Variants in HOOK1 observed in about 807,000 individuals in gnomAD.
The protein encoded by HOOK1 is hook microtubule tethering protein 1, also known as protein Hook homolog 1.
Under a neutral mutation model 112.8 loss-of-function variants are expected in HOOK1, and 60 were observed. The observed-to-expected ratio is 0.53, with a 90% confidence interval of 0.43 to 0.66. The LOEUF is 0.66. HOOK1 is among the 30% of genes least tolerant of loss of function. The probability of loss-of-function intolerance (pLI) is 0.00; values close to 1 mark genes in which losing one functional copy is unlikely to be tolerated. For synonymous variants in HOOK1, 294 were observed against 283.8 expected (o/e 1.04, Z -0.36); for missense variants, 770 against 856.0 (o/e 0.90, Z 1.25).
rs773285280 is a variant in HOOK1 at position 59,860,212 on chromosome 1, T to A, written c.1416T>A (p.His472Gln). The A allele has an allele frequency of 6.2e-6, 10 of 1,603,270 alleles. No homozygotes were observed. The highest frequency in any genetic ancestry group is 8.5e-6 in the Non-Finnish European group (10 of 1,175,598). Residue 472 changes from histidine (H) to glutamine (Q), a missense_variant, in exon 15 of 22, where the codon CAT (histidine) becomes CAA (glutamine). This residue lies in a region of HOOK1 where 655 missense variants were observed against 725.9 expected (regional missense o/e 0.90). Coordinates refer to ENST00000371208, the MANE Select transcript of HOOK1 (RefSeq NM_015888.6). ...GGGAGGTGTTTATTCGACTGCAACA[T>A]GAAAATAAGATGCTTCGCTTACAGC... ...EYREVFIRLQ[H>Q]ENKMLRLQQE...
At chr1:59,850,366 A>G (rs1459853216) in intron 12 of HOOK1, among the ~76,000 whole-genome samples, 1 of 151,110 alleles carries the variant, frequency 6.6e-6, no homozygotes. Context: ...CAAGTATTAC[A>G]TTTTGATGAG....
rs2098408720 is a variant in HOOK1 at position 59,854,013 on chromosome 1, TA to T, written c.1243-4414del. Reference sequence around the variant, plus strand: ...TACATTAATCTTAAATATATATATATATATATATATATATATATATATATAT... The same window carrying T: ...TACATTAATCTTAAATATATATATATTATATATATATATATATATATATAT... On this transcript the variant is annotated intron_variant, in intron 12 of 21. Transcript: ENST00000371208. 1.5e-4 allele frequency among the ~76,000 whole-genome samples: 3 copies of T among 19,708 alleles called. 1 individual carries two copies. Among genetic ancestry groups the T allele is most frequent in the Admixed American group, 1.2e-3 (3 of 2,582 alleles). The allele number at this position is 19,708 out of a possible 152,430, so 12.9% of individuals were successfully genotyped here.
At chr1:59,843,357 T>G (rs1309154253) in intron 8 of HOOK1, 75 bp from the exon 9 acceptor site, 2 of 1,054,164 alleles carry the variant, frequency 1.9e-6, no homozygotes, top group Non-Finnish European at 2.7e-6. Context: ...AATCCAGAAC[T>G]CTAGACTCTA....
intron 12 of HOOK1, among the ~76,000 whole-genome samples, chr1:59,855,399 C>G (rs1364418200): frequency 3.3e-5 from 5 of 152,136 alleles, no homozygotes; most frequent in Non-Finnish European, 7.4e-5. Context: ...GTTTTCTGTT[C>G]CTGTGTTAGT....
Position 59,860,273 on chromosome 1 carries a change from C to G in HOOK1, c.1477C>G (p.Gln493Glu). ...TGAGAATGAACGTATTGAGGAACTT[C>G]AGGAGCAGCTAGAACAGAAACACCG... ...GSENERIEEL[Q>E]EQLEQKHRKM... The change falls in exon 15 of 22, where the codon CAG becomes GAG. Residue 493 changes from glutamine to glutamate, a missense_variant. Gln to Glu is a conservative substitution (Grantham distance 29). This residue lies in a region of HOOK1 where 655 missense variants were observed against 725.9 expected (regional missense o/e 0.90). Transcript: ENST00000371208. 6.2e-7 allele frequency: 1 copy of G among 1,610,690 alleles called. No individual in the cohort carries two copies. Among genetic ancestry groups the G allele is most frequent in the South Asian group, 1.1e-5 (1 of 90,540 alleles).
chr1:59,863,793 C>CT, intron 16 of HOOK1: 4 of 798,646 alleles, frequency 5.0e-6, no homozygotes, highest in Non-Finnish European at 6.1e-6. Context: ...ATATTATTTT[C>CT]TTTTTTTTTT....
intron 8 of HOOK1, among the ~76,000 whole-genome samples, chr1:59,842,071 C>T (rs1477790232): frequency 6.6e-6 from 1 of 152,084 alleles, no homozygotes; most frequent in Non-Finnish European, 1.5e-5. Flanking sequence ...ATTGGTTATT[C>T]ACCAGGTGTT....
intron 2 of HOOK1, among the ~76,000 whole-genome samples, chr1:59,827,766 T>C (rs2102013366): frequency 6.6e-6 from 1 of 152,228 alleles, no homozygotes; most frequent in Admixed American, 6.5e-5. Flanking sequence ...AGAAGAGTTA[T>C]CTTCTGGTTT....
chr1:59,864,044 C>A (rs545729640), intron 16 of HOOK1, among the ~76,000 whole-genome samples: 36 of 151,886 alleles, frequency 2.4e-4, no homozygotes, highest in Non-Finnish European at 3.1e-4. Flanking sequence ...TTAAATACTT[C>A]ACCTATACAA....
intron 16 of HOOK1, chr1:59,863,901 T>C (rs1432601814): frequency 1.3e-6 from 1 of 788,592 alleles, no homozygotes; most frequent in Non-Finnish European, 1.5e-6. Flanking sequence ...AATATTATTT[T>C]AAGCCATACT....
At chr1:59,820,555 T>G (rs2098384863) in intron 1 of HOOK1, among the ~76,000 whole-genome samples, 1 of 152,186 alleles carries the variant, frequency 6.6e-6, no homozygotes, top group Non-Finnish European at 1.5e-5. Flanking sequence ...TCCTGAAGCT[T>G]TTTTTCCTTG....
At chr1:59,847,502 TGAAATTTTTGTGTAAG>T (rs1430153364) in intron 10 of HOOK1, among the ~76,000 whole-genome samples, 14 of 151,694 alleles carry the variant, frequency 9.2e-5, no homozygotes, top group Non-Finnish European at 1.5e-4. Flanking sequence ...TCATATTTTG[TGAAATTTTTGTGTAAG>T]GAAATTTTTG....
chr1:59,823,212 C>T (rs573179151), intron 2 of HOOK1, among the ~76,000 whole-genome samples: 215 of 152,154 alleles, frequency 1.4e-3, no homozygotes, highest in African/African-American at 4.9e-3. Flanking sequence ...CCCAGCTACT[C>T]GGGAGGCTGA....
At chr1:59,855,942 T>TTATA (rs57109724) in intron 12 of HOOK1, among the ~76,000 whole-genome samples, 39 of 96,488 alleles carry the variant, frequency 4.0e-4, no homozygotes, top group Admixed American at 6.9e-4. Flanking sequence ...CCCAGCTAAT[T>TTATA]TATATATATA....
At chr1:59,870,129 T>C (rs1024428031) in intron 20 of HOOK1, among the ~76,000 whole-genome samples, 6 of 152,230 alleles carry the variant, frequency 3.9e-5, no homozygotes, top group African/African-American at 1.4e-4. Context: ...CGCTGACATC[T>C]AAGTTGCTCT....
intron 9 of HOOK1, among the ~76,000 whole-genome samples, chr1:59,846,280 T>G (rs2098403737): frequency 6.6e-6 from 1 of 151,846 alleles, no homozygotes; most frequent in African/African-American, 2.4e-5. Flanking sequence ...TGATATACCC[T>G]TTTACATTCC....
chr1:59,824,545 A>G (rs1308482281), intron 2 of HOOK1, among the ~76,000 whole-genome samples: 1 of 152,192 alleles, frequency 6.6e-6, no homozygotes, highest in Non-Finnish European at 1.5e-5. Context: ...ATTGATGACT[A>G]TTGTGGCTGA....
chr1:59,870,307 GAC>G (rs1233155304), intron 20 of HOOK1, among the ~76,000 whole-genome samples: 1 of 152,192 alleles, frequency 6.6e-6, no homozygotes, highest in African/African-American at 2.4e-5. Context: ...TATTCATCTA[GAC>G]ACACACTGCA....
At chr1:59,839,859 G>A (rs1473859886) in intron 7 of HOOK1, among the ~76,000 whole-genome samples, 2 of 152,088 alleles carry the variant, frequency 1.3e-5, no homozygotes, top group African/African-American at 4.8e-5. Flanking sequence ...GTTTAGATAC[G>A]TTCCATTGAT....
Sources: allele counts gnomAD v4.1 joint callset (sites outside exome capture counted in the v4.1 genomes callset), GRCh38; gene constraint gnomAD v4.1.1; regional missense constraint gnomAD v4.1.1; transcripts MANE v1.5; gene names NCBI Gene and HGNC (gene_info 2026-07-23, HGNC 2026-07-21).